ZNF469: variants seen among roughly 807,000 people sequenced by gnomAD.
The protein encoded by ZNF469 is zinc finger protein 469.
In ZNF469, 1 loss-of-function variant was observed where a neutral mutation model predicts 1.0. That is an observed-to-expected ratio of 1.00 (90% CI 0.35 to 4.73). The LOEUF is 4.73. Among genes scored for constraint, ZNF469 ranks in the 30% most tolerant of loss-of-function variants. ZNF469 has a pLI of 0.16. For missense variants in ZNF469, 6,100 were observed against 5,356.3 expected, an observed-to-expected ratio of 1.14 and a Z score of -4.33; for synonymous variants, 2,703 against 2,363.4, an observed-to-expected ratio of 1.14 and a Z score of -4.17.
At chr16:88,401,784 T>G (rs1331629843) in intron 1 of ZNF469, among the ~76,000 whole-genome samples, 1 of 145,832 alleles carries the variant, frequency 6.9e-6, no homozygotes, top group Admixed American at 6.8e-5. Context: ...GATGCATGGG[T>G]GGATGGATAG....
chr16:88,401,794 GTGGA>G (rs1904878891), intron 1 of ZNF469, among the ~76,000 whole-genome samples: 2 of 151,322 alleles, frequency 1.3e-5, no homozygotes, highest in African/African-American at 2.4e-5. Context: ...TGGATGGATA[GTGGA>G]TGGATGGATG....
chr16:88,116,418 G>A, the ZNF469 span, among the ~76,000 whole-genome samples: 1 of 152,174 alleles, frequency 6.6e-6, no homozygotes, highest in Non-Finnish European at 1.5e-5. Context: ...GAATGCAAAT[G>A]GCATGGCCAC....
At chr16:88,144,147 T>C in the ZNF469 span, among the ~76,000 whole-genome samples, 2 of 152,132 alleles carry the variant, frequency 1.3e-5, no homozygotes, top group Non-Finnish European at 2.9e-5. Context: ...GGGCAGAGGC[T>C]TGGTCCAGCC....
At chr16:88,394,800 A>G (rs930917409) in intron 1 of ZNF469, among the ~76,000 whole-genome samples, 3 of 152,182 alleles carry the variant, frequency 2.0e-5, no homozygotes, top group Admixed American at 2.0e-4. Context: ...AGACCCCTGG[A>G]CACGTCGGAG....
At chr16:88,199,156 C>A in the ZNF469 span, among the ~76,000 whole-genome samples, 2 of 152,204 alleles carry the variant, frequency 1.3e-5, no homozygotes, top group African/African-American at 4.8e-5. Context: ...TACGAGGAGG[C>A]TGCAGATGGG....
chr16:88,273,455 G>A, the ZNF469 span, among the ~76,000 whole-genome samples: 32 of 151,878 alleles, frequency 2.1e-4, no homozygotes, highest in East Asian at 1.5e-3. Flanking sequence ...ACCACCTCAC[G>A]CCCATTAAGA....
chr16:88,203,763 T>C, the ZNF469 span, among the ~76,000 whole-genome samples: 2 of 152,140 alleles, frequency 1.3e-5, no homozygotes, highest in Non-Finnish European at 2.9e-5. Flanking sequence ...TCTGTGTCTC[T>C]CGCTTTATAA....
At chr16:88,207,649 G>A in the ZNF469 span, among the ~76,000 whole-genome samples, 5 of 151,046 alleles carry the variant, frequency 3.3e-5, no homozygotes, top group Non-Finnish European at 5.9e-5. Flanking sequence ...CCAAGGTGTC[G>A]ACGGGGCCGC....
At chr16:88,132,184 G>A in the ZNF469 span, among the ~76,000 whole-genome samples, 17 of 152,240 alleles carry the variant, frequency 1.1e-4, no homozygotes, top group African/African-American at 4.1e-4. Flanking sequence ...TCATGCCACA[G>A]CGCCAGGCCC....
the ZNF469 span, among the ~76,000 whole-genome samples, chr16:88,363,470 A>T: frequency 6.6e-6 from 1 of 152,218 alleles, no homozygotes; most frequent in African/African-American, 2.4e-5. Flanking sequence ...CCAATTATTT[A>T]GCCCCAGCCA....
At chr16:88,411,314 A>C (rs985107048) in intron 1 of ZNF469, among the ~76,000 whole-genome samples, 2 of 152,122 alleles carry the variant, frequency 1.3e-5, no homozygotes, top group Admixed American at 1.3e-4. Flanking sequence ...GCGAGCCAGC[A>C]TCTGGGCCGA....
chr16:88,401,167 A>C (rs1904841822), intron 1 of ZNF469, among the ~76,000 whole-genome samples: 1 of 152,220 alleles, frequency 6.6e-6, no homozygotes, highest in African/African-American at 2.4e-5. Context: ...ACCCAGAGAC[A>C]ACCAAGAGTA....
chr16:88,142,952 A>G, the ZNF469 span, among the ~76,000 whole-genome samples: 1 of 152,140 alleles, frequency 6.6e-6, no homozygotes, highest in South Asian at 2.1e-4. Flanking sequence ...CTGCGGCAGA[A>G]TCAGAGTCTC....
chr16:88,191,717 A>G, the ZNF469 span: 2 of 152,184 alleles, frequency 1.3e-5, no homozygotes, highest in Non-Finnish European at 2.9e-5. Context: ...TTCCCTGAAC[A>G]TCAGACATGG....
Position 88,431,459 on chromosome 16 carries a change from C to A in ZNF469, c.3989C>A (p.Pro1330His). The A allele has an allele frequency of 6.4e-7, 1 of 1,550,392 alleles. No individual in the cohort carries two copies. The highest frequency in any genetic ancestry group is 2.4e-5 in the East Asian group (1 of 40,920). Residue 1330 changes from proline to histidine, a missense_variant, in exon 3 of 3, where the codon CCC (proline) becomes CAC (histidine). Pro to His is a moderately conservative substitution (Grantham distance 77). Transcript: ENST00000565624. The stretch of plus-strand genomic sequence containing the variant: ...CGCCAGCCTGGAGAATTTCTGGCAC[C>A]CGTGGCTAACCCCTCAAGTACCGCC... ...PARQPGEFLA[P>H]VANPSSTACP...
chr16:88,169,770 G>A, the ZNF469 span, among the ~76,000 whole-genome samples: 3 of 152,222 alleles, frequency 2.0e-5, no homozygotes, highest in African/African-American at 7.2e-5. The surrounding 1 kb of genome is among the most constrained non-coding windows in gnomAD (Gnocchi z 6.1). Context: ...GCGTGTGCAT[G>A]TTGAACAAAC....
the ZNF469 span, among the ~76,000 whole-genome samples, chr16:88,337,139 C>T: frequency 6.6e-6 from 1 of 152,188 alleles, no homozygotes; most frequent in Non-Finnish European, 1.5e-5. Context: ...CCGCTATGAA[C>T]GTTCACACCT....
chr16:88,243,951 T>TATATATATAA, the ZNF469 span, among the ~76,000 whole-genome samples: 26 of 120,758 alleles, frequency 2.2e-4, 1 homozygote, highest in Non-Finnish European at 3.4e-4. Flanking sequence ...TATATATATA[T>TATATATATAA]AAATGTATGT....
At chr16:88,267,947 G>GC in the ZNF469 span, among the ~76,000 whole-genome samples, 2 of 151,886 alleles carry the variant, frequency 1.3e-5, no homozygotes, top group East Asian at 1.9e-4. Context: ...CATTTCCCAT[G>GC]CCCCCCGGCA....
Sources: gnomAD v4.1 joint callset for allele counts (sites outside exome capture counted in the v4.1 genomes callset) on GRCh38, gnomAD v4.1.1 for gene constraint, Gnocchi (gnomAD v3.1) non-coding constraint, MANE v1.5 for transcripts, NCBI Gene and HGNC (gene_info 2026-07-23, HGNC 2026-07-21) for gene names.